The following HCN1 variants were observed in gnomAD, a reference collection of about 807,000 sequenced individuals.
The protein encoded by HCN1 is hyperpolarization activated cyclic nucleotide gated potassium channel 1, also known as potassium/sodium hyperpolarization-activated cyclic nucleotide-gated channel 1.
HCN1 carries 13 observed loss-of-function variants against 78.9 expected under a neutral mutation model. That is an observed-to-expected ratio of 0.16 (90% CI 0.11 to 0.26). HCN1 has a LOEUF of 0.26. Ranked by LOEUF, HCN1 falls within the 10% of genes least tolerant of loss-of-function variation. HCN1 has a pLI of 1.00. For missense variants in HCN1, 810 were observed against 1,154.3 expected (o/e 0.70, Z 4.32); for synonymous variants, 552 against 455.5 (o/e 1.21, Z -2.70).
At chr5:45,437,731 A>AATT (rs1225984525) in intron 3 of HCN1, among the ~76,000 whole-genome samples, 2 of 152,218 alleles carry the variant, frequency 1.3e-5, no homozygotes. Flanking sequence ...CAGGTGCAAC[A>AATT]ATTATCTATT....
intron 3 of HCN1, among the ~76,000 whole-genome samples, chr5:45,441,007 T>C (rs1740667061): frequency 6.6e-6 from 1 of 152,222 alleles, no homozygotes; most frequent in Admixed American, 6.5e-5. Context: ...TGTTTCTTCC[T>C]TCTGGATTAT....
chr5:45,504,145 CA>C, intron 2 of HCN1, among the ~76,000 whole-genome samples: 1 of 152,132 alleles, frequency 6.6e-6, no homozygotes, highest in Admixed American at 6.5e-5. Context: ...TACATGTGCA[CA>C]ATGTGCAGGT....
intron 3 of HCN1, among the ~76,000 whole-genome samples, chr5:45,428,708 T>A (rs1010561794): frequency 6.6e-6 from 1 of 152,038 alleles, no homozygotes; most frequent in Admixed American, 6.6e-5. Flanking sequence ...CCCTGCAGCA[T>A]TTGGAAACCA....
At chr5:45,616,218 G>A (rs1216128495) in intron 2 of HCN1, among the ~76,000 whole-genome samples, 1 of 151,862 alleles carries the variant, frequency 6.6e-6, no homozygotes, top group East Asian at 1.9e-4. Flanking sequence ...ACAATGCAAT[G>A]CCAAACTGTG....
chr5:45,444,527 A>G (rs928691928), intron 3 of HCN1, among the ~76,000 whole-genome samples: 9 of 152,132 alleles, frequency 5.9e-5, no homozygotes, highest in Admixed American at 2.6e-4. Context: ...AACCCTTAGT[A>G]TGCTTTACAT....
rs757202966 is a variant in HCN1, at chr5:45,261,916, A to G, written c.*5T>C. On this transcript the variant is annotated 3_prime_UTR_variant, in exon 8 of 8. Coordinates refer to ENST00000303230, the MANE Select transcript of HCN1 (RefSeq NM_021072.4). ...ATTTCTTTCTGCTTTGACAATCAGC[A>G]GGGATCATAAATTTGAAGCAAATCG... 6.2e-6 allele frequency: 10 copies of G among 1,613,992 alleles called. No individual in the cohort carries two copies. The East Asian group carries it at 1.8e-4, about 29-fold the overall frequency.
At position 45,537,663 on chromosome 5, in the gene HCN1, G is replaced by A. The variant is rs542410945; in HGVS notation, c.850-75656C>T. On this transcript the variant is annotated intron_variant, in intron 2 of 7. Coordinates refer to ENST00000303230, the MANE Select transcript of HCN1 (RefSeq NM_021072.4). ...AGCAATTCTTCTGCCTCAACCTCCC[G>A]AGTAGCTGGAGTTACAGGCACCCGC... is the stretch of plus-strand genomic sequence containing the variant. Among the ~76,000 whole-genome samples, 146 of 147,074 alleles carry A rather than the reference G, an allele frequency of 9.9e-4. 2 individuals are homozygous for A. Among genetic ancestry groups the A allele is most frequent in the African/African-American group, 3.6e-3 (143 of 40,148 alleles).
chr5:45,373,245 A>T (rs1747468837), intron 4 of HCN1, among the ~76,000 whole-genome samples: 1 of 120,004 alleles, frequency 8.3e-6, no homozygotes, highest in African/African-American at 3.3e-5. Flanking sequence ...ATTATATATA[A>T]TATATATTTT....
intron 2 of HCN1, among the ~76,000 whole-genome samples, chr5:45,603,610 G>A (rs1744668663): frequency 6.6e-6 from 1 of 151,990 alleles, no homozygotes; most frequent in South Asian, 2.1e-4. Context: ...GGGAAAATCA[G>A]ATACAAGGCT....
intron 2 of HCN1, among the ~76,000 whole-genome samples, chr5:45,534,118 G>A (rs1236441845): frequency 6.6e-6 from 1 of 151,912 alleles, no homozygotes; most frequent in Non-Finnish European, 1.5e-5. Context: ...ATGTTGAGCC[G>A]GGTATGGTGG....
intron 1 of HCN1, among the ~76,000 whole-genome samples, chr5:45,681,299 C>T (rs1408136807): frequency 6.6e-6 from 1 of 151,966 alleles, no homozygotes; most frequent in Non-Finnish European, 1.5e-5. Context: ...GTAAAGTTGC[C>T]CATGATTTTT....
intron 2 of HCN1, among the ~76,000 whole-genome samples, chr5:45,515,372 T>C (rs1223987696): frequency 6.6e-6 from 1 of 152,030 alleles, no homozygotes; most frequent in African/African-American, 2.4e-5. Context: ...ATAAAGTCAC[T>C]GTTGAAATTG....
chr5:45,380,183 G>A (rs1045324172), intron 4 of HCN1, among the ~76,000 whole-genome samples: 1 of 152,046 alleles, frequency 6.6e-6, no homozygotes, highest in Non-Finnish European at 1.5e-5. Flanking sequence ...GGAGAGGTCT[G>A]TTCTCTGCTT....
At chr5:45,411,574 A>G (rs1740024842) in intron 3 of HCN1, among the ~76,000 whole-genome samples, 1 of 151,670 alleles carries the variant, frequency 6.6e-6, no homozygotes, top group Admixed American at 6.6e-5. Context: ...TATTCTAGCT[A>G]TTTTTTATGG....
chr5:45,565,754 T>A (rs1743696280), intron 2 of HCN1, among the ~76,000 whole-genome samples: 1 of 152,038 alleles, frequency 6.6e-6, no homozygotes, highest in Non-Finnish European at 1.5e-5. Flanking sequence ...CAGTGACCCA[T>A]GATCACACCA....
chr5:45,522,797 C>T (rs2111783023), intron 2 of HCN1, among the ~76,000 whole-genome samples: 1 of 151,990 alleles, frequency 6.6e-6, no homozygotes, highest in Non-Finnish European at 1.5e-5. Context: ...TTGAAACACG[C>T]TCATGTCATT....
At chr5:45,378,512 T>G (rs947344862) in intron 4 of HCN1, among the ~76,000 whole-genome samples, 10 of 152,084 alleles carry the variant, frequency 6.6e-5, no homozygotes, top group Non-Finnish European at 1.5e-4. Context: ...ACTGGAAAAT[T>G]TAAGCACCCC....
chr5:45,605,892 T>A (rs1274502828), intron 2 of HCN1, among the ~76,000 whole-genome samples: 1 of 152,002 alleles, frequency 6.6e-6, no homozygotes, highest in Non-Finnish European at 1.5e-5. Context: ...AATTAATACA[T>A]CTAAAGAAAG....
At chr5:45,607,503 C>A (rs1158000049) in intron 2 of HCN1, among the ~76,000 whole-genome samples, 1 of 150,566 alleles carries the variant, frequency 6.6e-6, no homozygotes, top group Non-Finnish European at 1.5e-5. Context: ...TAGAAATTTC[C>A]TTATTTAATT....
Sources: allele counts gnomAD v4.1 joint callset (sites outside exome capture counted in the v4.1 genomes callset), GRCh38; gene constraint gnomAD v4.1.1; transcripts MANE v1.5; gene names NCBI Gene and HGNC (gene_info 2026-07-23, HGNC 2026-07-21).